Variants in RNF13 observed in about 807,000 individuals in gnomAD.
RNF13 encodes E3 ubiquitin-protein ligase RNF13.
In RNF13, 19 loss-of-function variants were observed where a neutral mutation model predicts 37.7. The ratio of observed to expected loss-of-function variants is 0.50; its 90% CI spans 0.35 to 0.74. RNF13 has a LOEUF of 0.74. RNF13 is among the 30% of genes least tolerant of loss of function. RNF13 has a pLI of 0.01. For synonymous variants in RNF13, 144 were observed against 157.8 expected (o/e 0.91, Z 0.65); for missense variants, 375 against 453.0 (o/e 0.83, Z 1.56).
chr3:149,913,183 A>G (rs1042520713), intron 7 of RNF13, among the ~76,000 whole-genome samples: 3 of 152,034 alleles, frequency 2.0e-5, no homozygotes, highest in Non-Finnish European at 2.9e-5. Flanking sequence ...AGGCCTTTCC[A>G]TCAGTTAAAT....
intron 8 of RNF13, among the ~76,000 whole-genome samples, chr3:149,924,996 T>G (rs1718493975): frequency 6.6e-6 from 1 of 152,158 alleles, no homozygotes; most frequent in Admixed American, 6.5e-5. Flanking sequence ...TGGGTATTTG[T>G]AGTGGTGAGT....
chr3:149,955,334 C>T (rs1322561948), intron 8 of RNF13, among the ~76,000 whole-genome samples: 2 of 151,512 alleles, frequency 1.3e-5, no homozygotes, highest in East Asian at 1.9e-4. Context: ...TTTTTTATAA[C>T]TACATTTTAA....
At chr3:149,948,389 C>T (rs1296776342) in intron 8 of RNF13, among the ~76,000 whole-genome samples, 1 of 152,142 alleles carries the variant, frequency 6.6e-6, no homozygotes, top group Non-Finnish European at 1.5e-5. Context: ...AGGACTATTA[C>T]TTTTGTTCAT....
intron 1 of RNF13, among the ~76,000 whole-genome samples, chr3:149,820,064 A>G (rs944025124): frequency 2.0e-5 from 3 of 152,176 alleles, no homozygotes; most frequent in Admixed American, 2.0e-4. Flanking sequence ...ACTGAAAAGA[A>G]AACTGAAATT....
At chr3:149,922,577 A>G (rs1045901429) in intron 8 of RNF13, among the ~76,000 whole-genome samples, 13 of 152,202 alleles carry the variant, frequency 8.5e-5, no homozygotes, top group African/African-American at 3.1e-4. Flanking sequence ...ACTCTCACTT[A>G]CCTTCCTCCT....
chr3:149,867,123 T>C (rs1348698192), intron 3 of RNF13, among the ~76,000 whole-genome samples: 2 of 152,198 alleles, frequency 1.3e-5, no homozygotes, highest in African/African-American at 2.4e-5. Flanking sequence ...TATTATTGTA[T>C]TGTAGTCTCT....
chr3:149,940,125 TTAAG>T (rs1417416614), intron 8 of RNF13, among the ~76,000 whole-genome samples: 1 of 152,184 alleles, frequency 6.6e-6, no homozygotes, highest in Non-Finnish European at 1.5e-5. Context: ...GTGGTTTTAA[TTAAG>T]TATTTCATAA....
intron 3 of RNF13, among the ~76,000 whole-genome samples, chr3:149,865,348 A>ATATATATG (rs1327517532): frequency 6.7e-6 from 1 of 148,990 alleles, no homozygotes; most frequent in Non-Finnish European, 1.5e-5. Flanking sequence ...ATATATATAT[A>ATATATATG]TATGTATAAA....
intron 8 of RNF13, among the ~76,000 whole-genome samples, chr3:149,942,349 T>C (rs1319049523): frequency 1.3e-5 from 2 of 152,230 alleles, no homozygotes; most frequent in Non-Finnish European, 2.9e-5. Context: ...ATCTTTCCAT[T>C]TATTTCTATC....
At chr3:149,837,408 T>C (rs572500559) in intron 1 of RNF13, among the ~76,000 whole-genome samples, 3 of 152,310 alleles carry the variant, frequency 2.0e-5, no homozygotes, top group African/African-American at 7.2e-5. Context: ...ATAAGGACTT[T>C]TTCATACAGC....
At chr3:149,895,097 T>C (rs1715100626) in intron 4 of RNF13, 2 of 155,518 alleles carry the variant, frequency 1.3e-5, no homozygotes, top group African/African-American at 4.8e-5. Flanking sequence ...ATTGGTTTTA[T>C]CTGACTCATT....
Position 149,872,142 on chromosome 3 carries a change from T to C in RNF13, c.309T>C (p.Asn103=), listed in dbSNP as rs761097657. The change falls in exon 4 of 10, where the codon AAT becomes AAC. Residue 103 remains asparagine (N), a synonymous_variant. Coordinates refer to ENST00000392894, the MANE Select transcript of RNF13 (RefSeq NM_183381.3). The part of the protein sequence containing the change: ...FIVLIRRLDC[N]FDIKVLNAQR... ...TGTTAATTAGAAGACTTGATTGTAA[T>C]TTTGATATAAAGGTATGATTATCTT... 6.4e-7 allele frequency: 1 copy of C among 1,572,204 alleles called. No homozygotes were observed.
At chr3:149,879,473 T>C (rs1281204209) in intron 4 of RNF13, among the ~76,000 whole-genome samples, 2 of 152,010 alleles carry the variant, frequency 1.3e-5, no homozygotes, top group Admixed American at 1.3e-4. Flanking sequence ...CATGCCTGGC[T>C]AATTTGTTTT....
In RNF13 at chr3:149,884,357, C is replaced by A. The variant is rs559962015; in HGVS notation, c.322-11116C>A. The stretch of plus-strand genomic sequence containing the variant: ...TTTTAGCTGTACTAATAAGGTATAA[C>A]CCTTCTAGGGTGTCCTCTGAATGAT... On this transcript the variant is annotated intron_variant, in intron 4 of 9. Transcript: ENST00000392894. 1.3e-3 allele frequency among the ~76,000 whole-genome samples: 200 copies of A among 151,784 alleles called. 4 individuals are homozygous for A. The highest frequency in any genetic ancestry group is 4.1e-3 in the African/African-American group (168 of 41,392).
intron 1 of RNF13, among the ~76,000 whole-genome samples, chr3:149,827,559 G>T (rs887175305): frequency 6.6e-6 from 1 of 151,890 alleles, no homozygotes; most frequent in African/African-American, 2.4e-5. Flanking sequence ...CACTCTTTAG[G>T]TACTTGTGAT....
chr3:149,918,572 C>G (rs928182320), intron 7 of RNF13, among the ~76,000 whole-genome samples: 5 of 152,070 alleles, frequency 3.3e-5, no homozygotes, highest in African/African-American at 1.2e-4. Context: ...GGGTCTTGCT[C>G]TATCACCCAG....
intron 8 of RNF13, among the ~76,000 whole-genome samples, chr3:149,937,834 T>C (rs1016907042): frequency 2.6e-4 from 40 of 152,160 alleles, no homozygotes. Context: ...GTATACTTTA[T>C]GTCCCAGAAT....
At chr3:149,893,874 A>G (rs1482875875) in intron 4 of RNF13, 1 of 152,158 alleles carries the variant, frequency 6.6e-6, no homozygotes, top group Non-Finnish European at 1.5e-5. Flanking sequence ...TTGACTGGTG[A>G]TTTCTTGCCA....
chr3:149,817,673 A>G (rs1258844259), intron 1 of RNF13, among the ~76,000 whole-genome samples: 1 of 152,182 alleles, frequency 6.6e-6, no homozygotes, highest in African/African-American at 2.4e-5. Context: ...AAGACACTCA[A>G]AGGATAAGAG....
Sources: gnomAD v4.1 joint callset for allele counts (sites outside exome capture counted in the v4.1 genomes callset) on GRCh38, gnomAD v4.1.1 for gene constraint, MANE v1.5 for transcripts, NCBI Gene and HGNC (gene_info 2026-07-23, HGNC 2026-07-21) for gene names.